Variants in ALPL observed in about 807,000 individuals in gnomAD.
The protein encoded by ALPL is alkaline phosphatase, tissue-nonspecific isozyme.
A neutral mutation model predicts 51.3 loss-of-function variants in ALPL; 42 were observed. The observed-to-expected ratio is 0.82, with a 90% CI of 0.64 to 1.06. The LOEUF (loss-of-function observed/expected upper bound fraction) is 1.06. ALPL is among the 50% of genes least tolerant of loss of function. The probability of loss-of-function intolerance (pLI) is 0.00; values close to 1 mark genes in which losing one functional copy is unlikely to be tolerated. For missense variants in ALPL, 589 were observed against 709.4 expected (o/e 0.83, Z 1.93); for synonymous variants, 279 against 296.4 (o/e 0.94, Z 0.60).
chr1:21,554,213 G>C, intron 2 of ALPL, 71 bp downstream of exon 2: 4 of 1,480,976 alleles, frequency 2.7e-6, no homozygotes, highest in Non-Finnish European at 3.8e-6. Context: ...CAGTGTCTAT[G>C]TTTTAAGGTC....
chr1:21,544,430 CA>C (rs35856657), intron 1 of ALPL, among the ~76,000 whole-genome samples: 1 of 151,984 alleles, frequency 6.6e-6, no homozygotes, highest in Admixed American at 6.6e-5. Context: ...AGAACCTGAC[CA>C]AAAAGGGGGA....
Position 21,548,114 on chromosome 1 carries a change from G to GGGGT in ALPL, c.-104-5861_-104-5858dup, listed in dbSNP as rs1390642507. ...GGAGCCTGGCAGAGAAGGGAGGGAG[G>GGGGT]GGGTGGCGATGGGGCTGACACACAC... is the stretch of plus-strand genomic sequence containing the variant. On this transcript the variant is annotated intron_variant, in intron 1 of 11. Coordinates refer to ENST00000374840, the MANE Select transcript of ALPL (RefSeq NM_000478.6). 2.6e-5 allele frequency among the ~76,000 whole-genome samples: 4 copies of GGGGT among 152,216 alleles called. No homozygotes were observed. In the East Asian group the frequency reaches 7.7e-4, roughly 29 times the overall value.
intron 1 of ALPL, among the ~76,000 whole-genome samples, chr1:21,528,767 A>G (rs1020495432): frequency 6.6e-6 from 1 of 151,966 alleles, no homozygotes; most frequent in Non-Finnish European, 1.5e-5. Context: ...ACCCAAAGTC[A>G]TGAAAATATT....
chr1:21,573,594 C>G (rs1041200051), intron 8 of ALPL, 71 bp from the exon 9 acceptor site: 1 of 1,590,232 alleles, frequency 6.3e-7, no homozygotes, highest in African/African-American at 1.3e-5. Context: ...TGAGACACCC[C>G]AGCTTCCTTG....
chr1:21,533,080 T>C (rs1187842627), intron 1 of ALPL, among the ~76,000 whole-genome samples: 2 of 152,218 alleles, frequency 1.3e-5, no homozygotes, highest in African/African-American at 4.8e-5. Flanking sequence ...CACTTAACGC[T>C]ATGTATCATG....
chr1:21,574,768 G>A (rs543596161), intron 9 of ALPL: 62 of 152,386 alleles, frequency 4.1e-4, no homozygotes, highest in Non-Finnish European at 7.6e-4. Context: ...CCCCGGGAGC[G>A]GTTTCCTTTG....
rs1045735640 is a variant in ALPL at position 21,561,177 on chromosome 1, G to A, written c.262G>A (p.Glu88Lys). The A allele has an allele frequency of 6.2e-7, 1 of 1,613,414 alleles. No homozygotes were observed. Residue 88 changes from glutamate (E) to lysine (K), a missense_variant, in exon 4 of 12, where the codon GAG becomes AAG. Physicochemically the swap from Glu to Lys is moderately conservative, Grantham distance 56 (BLOSUM62 1). Coordinates refer to ENST00000374840, the MANE Select transcript of ALPL (RefSeq NM_000478.6). The stretch of plus-strand genomic sequence containing the variant: ...CAACCCTGGGGAGGAGACCAGGCTG[G>A]AGATGGACAAGTTCCCCTTCGTGGC... ...HHNPGEETRL[E>K]MDKFPFVALS... is the part of the protein sequence containing the mutation.
intron 9 of ALPL, chr1:21,574,881 G>A (rs1644705490): frequency 6.6e-6 from 1 of 152,404 alleles, no homozygotes; most frequent in Non-Finnish European, 1.5e-5. Flanking sequence ...GGCTCAGACT[G>A]GTGGGAACAG....
At chr1:21,556,808 G>A (rs930895006) in intron 2 of ALPL, among the ~76,000 whole-genome samples, 2 of 152,064 alleles carry the variant, frequency 1.3e-5, no homozygotes, top group Admixed American at 6.5e-5. Context: ...GCATGGTGGC[G>A]CACTCCTGTA....
intron 1 of ALPL, among the ~76,000 whole-genome samples, chr1:21,541,939 C>T (rs1000128583): frequency 6.6e-6 from 1 of 152,170 alleles, no homozygotes; most frequent in Non-Finnish European, 1.5e-5. Context: ...CTGAGCCTTA[C>T]TATAATCCCC....
At chr1:21,573,277 T>C (rs1644675448) in intron 8 of ALPL, among the ~76,000 whole-genome samples, 1 of 151,720 alleles carries the variant, frequency 6.6e-6, no homozygotes, top group African/African-American at 2.4e-5. Context: ...CTACTTAAAA[T>C]ACAACAAAAA....
At chr1:21,547,787 A>C (rs964137058) in intron 1 of ALPL, among the ~76,000 whole-genome samples, 7 of 152,242 alleles carry the variant, frequency 4.6e-5, no homozygotes, top group Admixed American at 3.3e-4. Flanking sequence ...TTGTGAGATC[A>C]GGGATGTAAA....
chr1:21,564,333 T>C lies in ALPL; in HGVS notation c.648+117T>C. 6 of 1,322,124 alleles carry C rather than the reference T, an allele frequency of 4.5e-6. No individual in the cohort carries two copies. The highest frequency in any genetic ancestry group is 6.3e-6 in the Non-Finnish European group (6 of 957,442). 81.9% of individuals were successfully genotyped at this position (1,322,124 alleles called of 1,614,324 possible). A position where few individuals can be genotyped will look rare whatever the true frequency, so the allele number is the denominator to read the frequency against. On this transcript the variant is annotated intron_variant, in intron 6 of 11. Coordinates refer to ENST00000374840, the MANE Select transcript of ALPL (RefSeq NM_000478.6). The surrounding 1 kb of genome is among the most constrained non-coding windows in gnomAD (Gnocchi z 5.8). ...AGCCTGGCCTGGCTCCCCACACACC[T>C]GGGAGGCTCCCAGCCCATTAGGGGA...
chr1:21,535,410 G>A (rs566245321), intron 1 of ALPL, among the ~76,000 whole-genome samples: 24 of 152,258 alleles, frequency 1.6e-4, no homozygotes, highest in African/African-American at 5.8e-4. Flanking sequence ...AGCTTAGGAG[G>A]TTGAGAGTCT....
chr1:21,571,303 T>C (rs890539665), intron 8 of ALPL, among the ~76,000 whole-genome samples: 5 of 152,204 alleles, frequency 3.3e-5, no homozygotes, highest in African/African-American at 1.2e-4. Context: ...AGACAACCCC[T>C]GGGTTGTCAT....
Position 21,563,024 on chromosome 1 carries a change from CA to C in ALPL, c.298-85del. The C allele has an allele frequency of 3.9e-6, 6 of 1,555,516 alleles. No individual in the cohort carries two copies. The South Asian group carries it at 5.6e-5, about 14-fold the overall frequency. ...GGGTCCTCTCTGGTCCCTCACGCCC[CA>C]GTCCCCATGGTGTGAGTGTAGGCGG... On this transcript the variant is annotated intron_variant, in intron 4 of 11. Coordinates refer to ENST00000374840, the MANE Select transcript of ALPL (RefSeq NM_000478.6).
intron 9 of ALPL, 109 bp downstream of exon 9, chr1:21,573,908 G>A: frequency 6.4e-7 from 1 of 1,556,728 alleles, no homozygotes; most frequent in African/African-American, 1.4e-5. Context: ...GGTGAAGGGA[G>A]AGGTCCCTTT....
At chr1:21,518,490 G>A (rs751680082) in intron 1 of ALPL, among the ~76,000 whole-genome samples, 2 of 151,904 alleles carry the variant, frequency 1.3e-5, no homozygotes, top group Non-Finnish European at 1.5e-5. Flanking sequence ...GTCAAACCCC[G>A]AATAAATAAC....
chr1:21,542,163 A>T (rs1021037734), intron 1 of ALPL, among the ~76,000 whole-genome samples: 3 of 151,888 alleles, frequency 2.0e-5, no homozygotes, highest in African/African-American at 7.3e-5. Context: ...CTTCCCTATG[A>T]CTCTGCAGCT....
Sources: gnomAD v4.1 joint callset for allele counts (sites outside exome capture counted in the v4.1 genomes callset) on GRCh38, gnomAD v4.1.1 for gene constraint, Gnocchi (gnomAD v3.1) non-coding constraint, MANE v1.5 for transcripts, NCBI Gene and HGNC (gene_info 2026-07-23, HGNC 2026-07-21) for gene names.